Variants in ETV6 observed in about 807,000 individuals in gnomAD.
The protein encoded by ETV6 is ETS variant transcription factor 6.
ETV6 carries 16 observed loss-of-function variants against 51.1 expected under a neutral mutation model. That is an observed-to-expected ratio of 0.31 (90% CI 0.21 to 0.48). The LOEUF is 0.48. ETV6 is among the 20% of genes least tolerant of loss of function. The pLI is 0.99. For missense variants in ETV6, 458 were observed against 594.8 expected, an observed-to-expected ratio of 0.77 and a Z score of 2.39; for synonymous variants, 240 against 224.1, an observed-to-expected ratio of 1.07 and a Z score of -0.64.
At chr12:11,803,808 A>G (rs1169273686) in intron 2 of ETV6, among the ~76,000 whole-genome samples, 1 of 152,222 alleles carries the variant, frequency 6.6e-6, no homozygotes, top group East Asian at 1.9e-4. Context: ...TATAAACACT[A>G]GTCAGCACCT....
chr12:11,801,662 A>T (rs1355924996), intron 2 of ETV6, among the ~76,000 whole-genome samples: 1 of 151,902 alleles, frequency 6.6e-6, no homozygotes, highest in African/African-American at 2.4e-5. Context: ...ATATTAACCT[A>T]TCTCATTTAA....
chr12:11,728,746 C>T (rs1398711307), intron 1 of ETV6, among the ~76,000 whole-genome samples: 4 of 152,196 alleles, frequency 2.6e-5, no homozygotes, highest in Non-Finnish European at 5.9e-5. Flanking sequence ...ATTAGCTTCA[C>T]TATTGAATTG....
At chr12:11,698,657 T>G (rs1241337058) in intron 1 of ETV6, among the ~76,000 whole-genome samples, 1 of 152,214 alleles carries the variant, frequency 6.6e-6, no homozygotes, top group Non-Finnish European at 1.5e-5. Context: ...TTTATAGGTG[T>G]GACCTCAATT....
chr12:11,843,277 T>A (rs1177702984), intron 3 of ETV6, among the ~76,000 whole-genome samples: 1 of 152,234 alleles, frequency 6.6e-6, no homozygotes, highest in Non-Finnish European at 1.5e-5. Context: ...GGCATCCTCC[T>A]TAGGCAGGGG....
chr12:11,669,575 C>T (rs891993648), intron 1 of ETV6, among the ~76,000 whole-genome samples: 20 of 152,092 alleles, frequency 1.3e-4, no homozygotes, highest in Admixed American at 3.3e-4. Flanking sequence ...TCTCCTGTGG[C>T]GCAGTACTTC....
intron 1 of ETV6, among the ~76,000 whole-genome samples, chr12:11,707,179 T>C (rs895367674): frequency 6.6e-6 from 1 of 152,016 alleles, no homozygotes; most frequent in Non-Finnish European, 1.5e-5. Flanking sequence ...AGAGCAGCTG[T>C]GTAAAGGAGG....
intron 5 of ETV6, among the ~76,000 whole-genome samples, chr12:11,881,906 A>C (rs113816916): frequency 0.02 from 3,112 of 152,310 alleles, 102 homozygotes; most frequent in African/African-American, 0.071. Context: ...TTCTCAAGGT[A>C]CTTAAGATGC....
intron 1 of ETV6, 122 bp downstream of exon 1, chr12:11,650,282 G>C (rs1391365190): frequency 1.1e-6 from 1 of 886,846 alleles, no homozygotes; most frequent in African/African-American, 1.6e-5. Context: ...AATTATTTGG[G>C]GCGAGAGGGA....
chr12:11,841,722 A>G (rs564672398), intron 3 of ETV6, among the ~76,000 whole-genome samples: 2 of 152,336 alleles, frequency 1.3e-5, no homozygotes, highest in Admixed American at 1.3e-4. Flanking sequence ...CCTCATAGAC[A>G]AGGTAATGGA....
intron 1 of ETV6, among the ~76,000 whole-genome samples, chr12:11,688,229 T>C (rs1372346543): frequency 6.6e-6 from 1 of 152,114 alleles, no homozygotes; most frequent in African/African-American, 2.4e-5. Context: ...AAGAGTCTGG[T>C]GTATACAGGA....
intron 1 of ETV6, among the ~76,000 whole-genome samples, chr12:11,657,096 T>C (rs1269055287): frequency 6.6e-6 from 1 of 152,162 alleles, no homozygotes; most frequent in East Asian, 1.9e-4. Context: ...ACGACTCTAG[T>C]GAAGAGAGTC....
rs1372500108 is a variant in ETV6, at chr12:11,786,580, A to C, written c.163+34001A>C. On this transcript the variant is annotated intron_variant, in intron 2 of 7. Coordinates refer to ENST00000396373, the MANE Select transcript of ETV6 (RefSeq NM_001987.5). Reference sequence around the variant, plus strand: ...CTTTTATTTTTAATGTGCGGGATTTAAGTTGTAAGTGAAGAGGACTGCGTC... The same window carrying C: ...CTTTTATTTTTAATGTGCGGGATTTCAGTTGTAAGTGAAGAGGACTGCGTC... Among the ~76,000 whole-genome samples, 7 of 152,280 alleles carry C rather than the reference A, an allele frequency of 4.6e-5. No individual in the cohort carries two copies. In the East Asian group the frequency reaches 1.4e-3, roughly 29 times the overall value.
intron 2 of ETV6, among the ~76,000 whole-genome samples, chr12:11,780,937 G>C (rs1384882316): frequency 6.6e-6 from 1 of 152,194 alleles, no homozygotes; most frequent in African/African-American, 2.4e-5. Context: ...CATTCCCCCA[G>C]ATCAGCACAC....
At chr12:11,746,513 A>G (rs896428273) in intron 1 of ETV6, among the ~76,000 whole-genome samples, 2 of 152,218 alleles carry the variant, frequency 1.3e-5, no homozygotes, top group African/African-American at 2.4e-5. Context: ...TTTTCCAGCT[A>G]CAATTGTGAC....
intron 3 of ETV6, among the ~76,000 whole-genome samples, chr12:11,847,907 A>G (rs1946488186): frequency 6.6e-6 from 1 of 152,254 alleles, no homozygotes; most frequent in Non-Finnish European, 1.5e-5. Context: ...CAATAGAAGA[A>G]GTTGGCAATA....
intron 1 of ETV6, among the ~76,000 whole-genome samples, chr12:11,732,406 G>A (rs890306663): frequency 6.6e-6 from 1 of 152,076 alleles, no homozygotes; most frequent in African/African-American, 2.4e-5. Flanking sequence ...AATTTCTAAG[G>A]CCCCTTCCTG....
intron 2 of ETV6, among the ~76,000 whole-genome samples, chr12:11,803,376 T>G (rs1386694376): frequency 6.6e-6 from 1 of 152,234 alleles, no homozygotes; most frequent in East Asian, 1.9e-4. Context: ...TTTATAATTT[T>G]TTGTCACAGT....
intron 1 of ETV6, among the ~76,000 whole-genome samples, chr12:11,717,899 C>T (rs1323422980): frequency 2.6e-5 from 4 of 152,182 alleles, no homozygotes; most frequent in Non-Finnish European, 5.9e-5. Context: ...GCTGAGTGGG[C>T]CTGGACTTTG....
chr12:11,887,614 G>A (rs1947215434), intron 7 of ETV6, among the ~76,000 whole-genome samples: 1 of 152,006 alleles, frequency 6.6e-6, no homozygotes, highest in East Asian at 1.9e-4. Context: ...TGAGCGTAGT[G>A]GCATGCACCT....
Sources: allele counts gnomAD v4.1 joint callset (sites outside exome capture counted in the v4.1 genomes callset), GRCh38; gene constraint gnomAD v4.1.1; transcripts MANE v1.5; gene names NCBI Gene and HGNC (gene_info 2026-07-23, HGNC 2026-07-21).